SBF2: variants seen among roughly 807,000 people sequenced by gnomAD.
SBF2 encodes the protein myotubularin-related protein 13.
Under a neutral mutation model 225.2 loss-of-function variants are expected in SBF2, and 112 were observed. That is an observed-to-expected ratio of 0.50 (90% CI 0.43 to 0.58). The LOEUF (loss-of-function observed/expected upper bound fraction) is 0.58, where lower values mean the gene tolerates loss of function less well. SBF2 is among the 20% of genes least tolerant of loss of function. The probability of loss-of-function intolerance (pLI) is 0.00; values close to 1 mark genes in which losing one functional copy is unlikely to be tolerated. For missense variants in SBF2, 1,996 were observed against 2,206.2 expected (o/e 0.90, Z 1.91); for synonymous variants, 763 against 773.3 (o/e 0.99, Z 0.22).
intron 16 of SBF2, among the ~76,000 whole-genome samples, chr11:9,955,501 T>A (rs961089314): frequency 6.6e-6 from 1 of 152,016 alleles, no homozygotes; most frequent in Non-Finnish European, 1.5e-5. Flanking sequence ...GCTAGCCAAA[T>A]GGTAGGCAGT....
chr11:10,304,603 G>C (rs921871510), exon 1 of SBF2: 1 of 110,158 alleles, frequency 9.1e-6, no homozygotes, highest in Non-Finnish European at 1.8e-5. Context: ...CTGGGGTCGC[G>C]GCCCGGTCAG....
intron 16 of SBF2, among the ~76,000 whole-genome samples, chr11:9,939,710 T>C (rs770418127): frequency 6.6e-6 from 1 of 152,174 alleles, no homozygotes; most frequent in East Asian, 1.9e-4. Flanking sequence ...ATATGAAACA[T>C]AGCCCTTTGG....
intron 1 of SBF2, among the ~76,000 whole-genome samples, chr11:10,268,006 A>G (rs966010969): frequency 1.3e-5 from 2 of 152,180 alleles, no homozygotes; most frequent in South Asian, 4.1e-4. Context: ...ATCTGTCTCC[A>G]AAGAAAAACA....
At chr11:9,859,540 A>G (rs1857558805) in intron 17 of SBF2, among the ~76,000 whole-genome samples, 1 of 152,218 alleles carries the variant, frequency 6.6e-6, no homozygotes, top group South Asian at 2.1e-4. Flanking sequence ...ATTCTTTGGA[A>G]TTGAGTTCAT....
intron 1 of SBF2, among the ~76,000 whole-genome samples, chr11:10,217,950 A>C (rs1302456627): frequency 6.6e-6 from 1 of 151,950 alleles, no homozygotes; most frequent in Non-Finnish European, 1.5e-5. Flanking sequence ...CCCAGGCTGG[A>C]GTGCAGTGGC....
chr11:9,940,718 A>T (rs1865203406), intron 16 of SBF2, among the ~76,000 whole-genome samples: 1 of 152,194 alleles, frequency 6.6e-6, no homozygotes. Context: ...TATTGCTGAG[A>T]TACTAAGGAC....
intron 2 of SBF2, among the ~76,000 whole-genome samples, chr11:10,053,395 GT>G (rs1466543957): frequency 6.6e-6 from 1 of 152,050 alleles, no homozygotes; most frequent in Non-Finnish European, 1.5e-5. Context: ...CCCCAAAATT[GT>G]TTTGTTTTTC....
At position 9,962,057 on chromosome 11, in the gene SBF2, C is replaced by T. The variant is rs1243570762; in HGVS notation, c.1760G>A (p.Cys587Tyr). The change falls in exon 16 of 40, where the codon TGT becomes TAT. Residue 587 changes from cysteine (C) to tyrosine (Y), a missense_variant. Cys to Tyr is a radical substitution (Grantham distance 194). Transcript: ENST00000256190. ...ATGCAAACCCAATTCATCAGTGAGACACTGTCTTGCTGCCTTTCCTTTAAG... is the reference window on the plus strand; with the variant it reads ...ATGCAAACCCAATTCATCAGTGAGATACTGTCTTGCTGCCTTTCCTTTAAG... ...RALKGKAARQCLTDELGLHVQ... is the reference protein window; with the variant it reads ...RALKGKAARQYLTDELGLHVQ... The T allele has an allele frequency of 6.2e-7, 1 of 1,613,996 alleles. No homozygotes were observed. Among genetic ancestry groups the T allele is most frequent in the African/African-American group, 1.3e-5 (1 of 74,922 alleles).
rs374176691 is a variant in SBF2 at position 10,154,017 on chromosome 11, G to A, written c.141+39885C>T. ...TTTGTATTCTCTATTTAGTTCTATT[G>A]ATTAAATTAATATTGTTTATCGTCT... On this transcript the variant is annotated intron_variant, in intron 2 of 39. Coordinates refer to ENST00000256190, the MANE Select transcript of SBF2 (RefSeq NM_030962.4). 5.3e-5 allele frequency among the ~76,000 whole-genome samples: 8 copies of A among 151,920 alleles called. 1 individual carries two copies. In the East Asian group the frequency reaches 9.7e-4, roughly 18 times the overall value.
In SBF2 at chr11:9,965,617, C is replaced by T. The variant is rs1565069139; in HGVS notation, c.1601-1735G>A. On this transcript the variant is annotated intron_variant, in intron 14 of 39. Coordinates refer to ENST00000256190, the MANE Select transcript of SBF2 (RefSeq NM_030962.4). ...ACTTTTTAATAAAACTAATTATATG[C>T]TCACAATAAGCTGCAAATGTAATAC... Among the ~76,000 whole-genome samples the T allele has an allele frequency of 2.6e-5, 4 of 152,206 alleles. No homozygotes were observed. In the South Asian group the frequency reaches 6.2e-4, roughly 24 times the overall value.
intron 1 of SBF2, among the ~76,000 whole-genome samples, chr11:10,206,391 G>A (rs1957753064): frequency 6.6e-6 from 1 of 151,888 alleles, no homozygotes; most frequent in African/African-American, 2.4e-5. Flanking sequence ...TTAGACTATG[G>A]TCTACATGCT....
At chr11:10,186,666 C>A (rs1163236933) in intron 2 of SBF2, among the ~76,000 whole-genome samples, 1 of 152,172 alleles carries the variant, frequency 6.6e-6, no homozygotes. Context: ...TGACTAAACT[C>A]AATCTCCAGC....
At chr11:9,794,342 G>A (rs1055898264) in intron 33 of SBF2, among the ~76,000 whole-genome samples, 2 of 152,140 alleles carry the variant, frequency 1.3e-5, no homozygotes, top group African/African-American at 4.8e-5. Flanking sequence ...ATAAAGCTGA[G>A]TGACATGGTG....
chr11:9,807,236 C>A (rs117708969), intron 32 of SBF2, among the ~76,000 whole-genome samples: 1,716 of 152,284 alleles, frequency 0.011, 16 homozygotes, highest in Non-Finnish European at 0.017. Flanking sequence ...CCATCCAATT[C>A]TCAAACCCAA....
At chr11:9,968,273 A>G in intron 14 of SBF2, 68 bp downstream of exon 14, 2 of 1,401,840 alleles carry the variant, frequency 1.4e-6, no homozygotes, top group South Asian at 2.3e-5. Flanking sequence ...CAAATTGCAC[A>G]CTTTTCCTTT....
At chr11:10,194,915 C>T (rs1036891410) in intron 1 of SBF2, among the ~76,000 whole-genome samples, 2 of 152,154 alleles carry the variant, frequency 1.3e-5, no homozygotes, top group Non-Finnish European at 2.9e-5. Context: ...GCCCTTTGTG[C>T]CCCAATAAGG....
chr11:10,014,231 G>T (rs1454609247), intron 6 of SBF2, among the ~76,000 whole-genome samples: 1 of 152,104 alleles, frequency 6.6e-6, no homozygotes, highest in Non-Finnish European at 1.5e-5. Context: ...TTTGCCTATA[G>T]ATGGAGCTAG....
intron 2 of SBF2, among the ~76,000 whole-genome samples, chr11:10,045,231 G>T (rs932563492): frequency 1.3e-5 from 2 of 150,792 alleles, no homozygotes; most frequent in Admixed American, 6.6e-5. Flanking sequence ...GCAGTGGCAC[G>T]ATCTTGGCTC....
chr11:9,810,550 G>A (rs1211418176), intron 30 of SBF2: 2 of 152,140 alleles, frequency 1.3e-5, no homozygotes, highest in Non-Finnish European at 2.9e-5. Context: ...CTCTTAAACA[G>A]AGCTAGGCTA....
Sources: allele counts gnomAD v4.1 joint callset (sites outside exome capture counted in the v4.1 genomes callset), GRCh38; gene constraint gnomAD v4.1.1; transcripts MANE v1.5; gene names NCBI Gene and HGNC (gene_info 2026-07-23, HGNC 2026-07-21).